Variants in FGD6 observed in about 807,000 individuals in gnomAD.
FGD6 encodes FYVE, RhoGEF and PH domain-containing protein 6.
Under a neutral mutation model 149.4 loss-of-function variants are expected in FGD6, and 90 were observed. The observed-to-expected ratio is 0.60, with a 90% CI of 0.51 to 0.72. The LOEUF (loss-of-function observed/expected upper bound fraction) is 0.72. Ranked by LOEUF, FGD6 falls within the 30% of genes least tolerant of loss-of-function variation. FGD6 has a pLI of 0.00. For missense variants in FGD6, 1,437 were observed against 1,684.8 expected (o/e 0.85, Z 2.57); for synonymous variants, 527 against 584.0 (o/e 0.90, Z 1.41).
chr12:95,151,573 C>A (rs1880310900), intron 5 of FGD6, among the ~76,000 whole-genome samples: 1 of 152,026 alleles, frequency 6.6e-6, no homozygotes, highest in Non-Finnish European at 1.5e-5. Context: ...ATGCCAGGCC[C>A]CTGGGTTTCT....
chr12:95,104,556 C>G (rs1029898255), intron 14 of FGD6, among the ~76,000 whole-genome samples: 2 of 151,994 alleles, frequency 1.3e-5, no homozygotes, highest in African/African-American at 4.8e-5. Flanking sequence ...CCTGCCTCAG[C>G]CTCCTGAGTA....
chr12:95,081,346 AAAAC>A lies in FGD6; in HGVS notation c.*170_*173del. ...AATTTTAATAAATAACATAAATGAA[AAAAC>A]AAACACCTTTTAAAAATTGCTTATA... On this transcript the variant is annotated 3_prime_UTR_variant, in exon 21 of 21. Coordinates refer to ENST00000343958, the MANE Select transcript of FGD6 (RefSeq NM_018351.4). 1 of 447,206 alleles carries A rather than the reference AAAAC, an allele frequency of 2.2e-6. No individual in the cohort carries two copies. The highest frequency in any genetic ancestry group is 3.9e-5 in the Admixed American group (1 of 25,642). The allele number at this position is 447,206 out of a possible 1,614,324, so 27.7% of individuals were successfully genotyped here. A position where few individuals can be genotyped will look rare whatever the true frequency, so the allele number is the denominator to read the frequency against.
chr12:95,186,225 C>CTTTTTTTTTTTTTTTT lies in FGD6; in HGVS notation c.2442-13482_2442-13481insAAAAAAAAAAAAAAAA, dbSNP rs1881428152. On this transcript the variant is annotated intron_variant, in intron 2 of 20. Transcript: ENST00000343958. ...AGCTAAGAATGCTTCTTATATTCTT[C>CTTTTTTTTTTTTTTTT]TTCTTTTTTTTTTTTTTTTTTTTTT... Among the ~76,000 whole-genome samples, 16 of 71,186 alleles carry CTTTTTTTTTTTTTTTT rather than the reference C, an allele frequency of 2.2e-4. 7 individuals are homozygous for CTTTTTTTTTTTTTTTT. The East Asian group carries it at 4.3e-3, about 19-fold the overall frequency. 46.7% of individuals were successfully genotyped at this position (71,186 alleles called of 152,430 possible).
intron 2 of FGD6, among the ~76,000 whole-genome samples, chr12:95,191,268 A>T (rs1881581293): frequency 6.6e-6 from 1 of 152,194 alleles, no homozygotes; most frequent in Non-Finnish European, 1.5e-5. Context: ...CACAATACGG[A>T]AGGATGCTCA....
chr12:95,208,419 AC>A (rs1382557157), intron 2 of FGD6, among the ~76,000 whole-genome samples: 1 of 152,172 alleles, frequency 6.6e-6, no homozygotes, highest in African/African-American at 2.4e-5. Context: ...TGGAGGTTCC[AC>A]CTGATAAGCG....
At position 95,182,220 on chromosome 12, in the gene FGD6, C is replaced by CTTTT. The variant is rs34662366; in HGVS notation, c.2442-9480_2442-9477dup. ...ATTTACACATATATATGTATACATACTTTTTTTTTTTTTTTTTGGAGATGG... is the reference window on the plus strand; with the variant it reads ...ATTTACACATATATATGTATACATACTTTTTTTTTTTTTTTTTTTTTGGAGATGG... On this transcript the variant is annotated intron_variant, in intron 2 of 20. Coordinates refer to ENST00000343958, the MANE Select transcript of FGD6 (RefSeq NM_018351.4). Among the ~76,000 whole-genome samples, 17 of 135,272 alleles carry CTTTT rather than the reference C, an allele frequency of 1.3e-4. No homozygotes were observed. The East Asian group carries it at 2.4e-3, about 19-fold the overall frequency. The allele number at this position is 135,272 out of a possible 152,430, so 88.7% of individuals were successfully genotyped here.
intron 8 of FGD6, chr12:95,126,338 A>G (rs1879337816): frequency 6.4e-7 from 1 of 1,560,316 alleles, no homozygotes; most frequent in Non-Finnish European, 8.7e-7. Flanking sequence ...AGAAGGGTCA[A>G]AAAGCTCCAG....
chr12:95,209,938 C>CATAT lies in FGD6; in HGVS notation c.1345_1346insATAT (p.Cys449TyrfsTer10). The CATAT allele has an allele frequency of 6.2e-7, 1 of 1,612,806 alleles. No homozygotes were observed. The highest frequency in any genetic ancestry group is 8.5e-7 in the Non-Finnish European group (1 of 1,179,642). The stretch of plus-strand genomic sequence containing the variant: ...CTTAGGCAGGCTCATAGATACAGTA[C>CATAT]ATCTTATAAAACCGGTCCCTTCGTC... On this transcript the variant is annotated frameshift_variant, in exon 2 of 21. Coordinates refer to ENST00000343958, the MANE Select transcript of FGD6 (RefSeq NM_018351.4). LOFTEE classifies it high-confidence loss of function.
At chr12:95,134,451 A>G (rs1403152013) in intron 8 of FGD6, among the ~76,000 whole-genome samples, 2 of 152,144 alleles carry the variant, frequency 1.3e-5, no homozygotes, top group East Asian at 3.8e-4. Context: ...GAAATGATGC[A>G]CGGGTATGGG....
rs747197605 is a variant in FGD6 at position 95,209,237 on chromosome 12, TCTC to T, written c.2044_2046del (p.Glu682del). 5.6e-6 allele frequency: 9 copies of T among 1,613,964 alleles called. 1 individual carries two copies. In the African/African-American group the frequency reaches 8.0e-5, roughly 14 times the overall value. On this transcript the variant is annotated inframe_deletion, in exon 2 of 21. Transcript: ENST00000343958. ...TATGCCTTGATGGGTTTACTTCTCT[TCTC>T]CTCTCCTACCAACAAGCCTTGCCAA...
chr12:95,133,189 C>T (rs186946306), intron 8 of FGD6, among the ~76,000 whole-genome samples: 6 of 152,202 alleles, frequency 3.9e-5, no homozygotes, highest in Admixed American at 2.0e-4. Context: ...AGGCCAAGGT[C>T]GGCAGATCAC....
At chr12:95,094,378 G>C (rs975216468) in intron 15 of FGD6, among the ~76,000 whole-genome samples, 2 of 152,118 alleles carry the variant, frequency 1.3e-5, no homozygotes, top group Non-Finnish European at 2.9e-5. Flanking sequence ...GAAGAAACAT[G>C]AATATGCTAT....
In FGD6 at chr12:95,175,005, C is replaced by T. The variant is rs1881095257; in HGVS notation, c.2442-2261G>A. On this transcript the variant is annotated intron_variant, in intron 2 of 20. Coordinates refer to ENST00000343958, the MANE Select transcript of FGD6 (RefSeq NM_018351.4). The stretch of plus-strand genomic sequence containing the variant: ...TGAAAGGTGTTTCTTGGTCAAACAT[C>T]ATTTGGAAGGCTATTATTAAGAATA... Among the ~76,000 whole-genome samples, 3 of 149,398 alleles carry T rather than the reference C, an allele frequency of 2.0e-5. No individual in the cohort carries two copies. In the South Asian group the frequency reaches 6.4e-4, roughly 32 times the overall value.
Position 95,208,851 on chromosome 12 carries a change from C to T in FGD6, c.2433G>A (p.Gln811=), listed in dbSNP as rs2136303187. ...DGQLQLGPRH[Q]HSSSGASQEE... ...TGTCTGGCACCTGTTACCTGGAATG[C>T]TGATGTCTGGGTCCAAGCTGCAGCT... Residue 811 remains glutamine, a synonymous_variant, in exon 2 of 21, where the codon CAG becomes CAA. Transcript: ENST00000343958. 1 of 1,611,328 alleles carries T rather than the reference C, an allele frequency of 6.2e-7. No individual in the cohort carries two copies. Among genetic ancestry groups the T allele is most frequent in the East Asian group, 2.2e-5 (1 of 44,838 alleles).
chr12:95,153,667 C>A (rs1880373388), intron 3 of FGD6, among the ~76,000 whole-genome samples: 2 of 151,906 alleles, frequency 1.3e-5, no homozygotes, highest in South Asian at 4.2e-4. Flanking sequence ...GTCTCAAAAA[C>A]AAAAACAAAC....
At chr12:95,153,058 T>C in intron 3 of FGD6, 65 bp from the exon 4 acceptor site, 1 of 1,440,930 alleles carries the variant, frequency 6.9e-7, no homozygotes, top group Middle Eastern at 1.9e-4. Context: ...TATGAGCTAG[T>C]CAGACACGAA....
At chr12:95,190,619 G>C (rs969146961) in intron 2 of FGD6, among the ~76,000 whole-genome samples, 1 of 152,152 alleles carries the variant, frequency 6.6e-6, no homozygotes. Context: ...ATGTTACATG[G>C]AGACAAGACA....
intron 2 of FGD6, among the ~76,000 whole-genome samples, chr12:95,194,648 TTGG>T (rs1296580917): frequency 6.6e-6 from 1 of 152,120 alleles, no homozygotes; most frequent in Non-Finnish European, 1.5e-5. Context: ...AAGAGGGGTC[TTGG>T]TGGTGATGGA....
At chr12:95,086,844 C>CTTTT (rs35618842) in intron 18 of FGD6, among the ~76,000 whole-genome samples, 1 of 92,906 alleles carries the variant, frequency 1.1e-5, no homozygotes, top group Non-Finnish European at 2.1e-5. Context: ...CCACACCGGC[C>CTTTT]TTTTTTTTTT....
Sources: gnomAD v4.1 joint callset for allele counts (sites outside exome capture counted in the v4.1 genomes callset) on GRCh38, gnomAD v4.1.1 for gene constraint, MANE v1.5 for transcripts, NCBI Gene and HGNC (gene_info 2026-07-23, HGNC 2026-07-21) for gene names.